ZNF610: variants seen among roughly 807,000 people sequenced by gnomAD.
The protein encoded by ZNF610 is zinc finger protein 610, also known as zink finger protein.
Under a neutral mutation model 14.1 loss-of-function variants are expected in ZNF610, and 14 were observed. The ratio of observed to expected loss-of-function variants is 0.99; its 90% CI spans 0.65 to 1.55. The LOEUF is 1.55. ZNF610 is among the 40% of genes most tolerant of loss of function. The pLI, the probability that ZNF610 is intolerant of heterozygous loss-of-function variation, is 0.00. For synonymous variants in ZNF610, 185 were observed against 187.6 expected (o/e 0.99, Z 0.11); for missense variants, 530 against 558.0 (o/e 0.95, Z 0.51).
intron 5 of ZNF610, among the ~76,000 whole-genome samples, chr19:52,361,281 T>C (rs2263899): frequency 0.2 from 30,181 of 151,456 alleles, 3,186 homozygotes; most frequent in East Asian, 0.33. Flanking sequence ...CAGGTTCCAG[T>C]GATTCTCCTG....
At chr19:52,340,341 C>A (rs549220994) in intron 1 of ZNF610, among the ~76,000 whole-genome samples, 2 of 152,302 alleles carry the variant, frequency 1.3e-5, no homozygotes, top group South Asian at 2.1e-4. Context: ...TAAGACCGCG[C>A]CACTGCACTC....
Position 52,366,861 on chromosome 19 carries a change from T to C in ZNF610, c.*94T>C, listed in dbSNP as rs1178562055. ...CAAATATCATAAATGTGGCAAAGAA[T>C]TTAGTTTGCATTGAAGCCTCATCAC... On this transcript the variant is annotated 3_prime_UTR_variant, in exon 6 of 6. Transcript: ENST00000403906. The C allele has an allele frequency of 2.9e-6, 3 of 1,038,908 alleles. No individual in the cohort carries two copies. Among genetic ancestry groups the C allele is most frequent in the Non-Finnish European group, 4.2e-6 (3 of 719,514 alleles). The allele number at this position is 1,038,908 out of a possible 1,614,324, so 64.4% of individuals were successfully genotyped here.
At chr19:52,338,226 G>A (rs1263891685) in intron 1 of ZNF610, among the ~76,000 whole-genome samples, 1 of 152,194 alleles carries the variant, frequency 6.6e-6, no homozygotes, top group Admixed American at 6.5e-5. Context: ...CTATGAACCG[G>A]GGGTTCCCAT....
intron 1 of ZNF610, among the ~76,000 whole-genome samples, chr19:52,341,413 G>A (rs751088135): frequency 3.3e-5 from 5 of 151,780 alleles, no homozygotes; most frequent in Non-Finnish European, 2.9e-5. Context: ...GGATTCAAGC[G>A]ATTCTTCTGC....
chr19:52,350,515 T>A (rs1975912413), intron 3 of ZNF610, among the ~76,000 whole-genome samples: 2 of 152,020 alleles, frequency 1.3e-5, no homozygotes, highest in African/African-American at 4.8e-5. Flanking sequence ...CTGTCTCTAC[T>A]GAAAATACAA....
intron 5 of ZNF610, among the ~76,000 whole-genome samples, chr19:52,357,550 C>G (rs943093092): frequency 5.3e-5 from 8 of 150,258 alleles, no homozygotes; most frequent in African/African-American, 2.0e-4. Context: ...GAGGCTGAGC[C>G]CGGAGAATGG....
intron 5 of ZNF610, among the ~76,000 whole-genome samples, chr19:52,358,587 C>T (rs1019980936): frequency 6.6e-6 from 1 of 152,152 alleles, no homozygotes; most frequent in African/African-American, 2.4e-5. Context: ...AAAATATTTT[C>T]TCACATATGG....
At chr19:52,353,141 T>C (rs1449474613) in intron 3 of ZNF610, among the ~76,000 whole-genome samples, 1 of 152,204 alleles carries the variant, frequency 6.6e-6, no homozygotes, top group Admixed American at 6.6e-5. Flanking sequence ...GGTTTCACCA[T>C]GTTGGCCAGG....
chr19:52,364,985 C>T (rs1487751907), intron 5 of ZNF610, among the ~76,000 whole-genome samples: 1 of 152,134 alleles, frequency 6.6e-6, no homozygotes, highest in African/African-American at 2.4e-5. Flanking sequence ...GTGGCTCACG[C>T]CTGTAATCTC....
At chr19:52,361,734 A>G (rs939348386) in intron 5 of ZNF610, among the ~76,000 whole-genome samples, 4 of 152,042 alleles carry the variant, frequency 2.6e-5, no homozygotes, top group African/African-American at 9.7e-5. Context: ...TGCTAGGATT[A>G]CAGGCGTGAA....
intron 1 of ZNF610, among the ~76,000 whole-genome samples, chr19:52,337,216 A>T (rs1488476159): frequency 6.6e-6 from 1 of 152,024 alleles, no homozygotes; most frequent in Non-Finnish European, 1.5e-5. Context: ...GAGCCAGGGC[A>T]GACAGAGCAG....
intron 1 of ZNF610, among the ~76,000 whole-genome samples, chr19:52,338,673 C>CAAAAA: frequency 6.7e-6 from 1 of 149,336 alleles, no homozygotes; most frequent in Non-Finnish European, 1.5e-5. Context: ...GACTCTGTCT[C>CAAAAA]AAAAAAAAAG....
upstream of ZNF610, among the ~76,000 whole-genome samples, chr19:52,331,246 A>G (rs867055971): frequency 1.3e-5 from 2 of 152,318 alleles, no homozygotes; most frequent in Middle Eastern, 3.4e-3. Context: ...GGCACTTCTC[A>G]TTGGTTTTTC....
intron 5 of ZNF610, among the ~76,000 whole-genome samples, chr19:52,359,989 T>G (rs147473633): frequency 3.6e-4 from 55 of 152,316 alleles, no homozygotes; most frequent in African/African-American, 1.3e-3. Context: ...TGAAGAGACC[T>G]GTAGGGCAAG....
intron 5 of ZNF610, among the ~76,000 whole-genome samples, chr19:52,362,533 G>A (rs1482610826): frequency 6.6e-6 from 1 of 152,244 alleles, no homozygotes; most frequent in African/African-American, 2.4e-5. Context: ...GATTATAGAT[G>A]TGAGGCATCA....
chr19:52,338,025 C>G (rs1197365335), intron 1 of ZNF610, among the ~76,000 whole-genome samples: 1 of 152,200 alleles, frequency 6.6e-6, no homozygotes, highest in Non-Finnish European at 1.5e-5. Flanking sequence ...TTGGGGATTA[C>G]TTCCCACCCA....
upstream of ZNF610, among the ~76,000 whole-genome samples, chr19:52,331,895 A>G (rs1208553023): frequency 1.3e-5 from 2 of 152,172 alleles, no homozygotes; most frequent in African/African-American, 2.4e-5. Flanking sequence ...CCCTAGGTCC[A>G]TGTGGGTTAC....
intron 1 of ZNF610, among the ~76,000 whole-genome samples, chr19:52,339,503 G>A (rs990019303): frequency 2.6e-5 from 4 of 152,048 alleles, no homozygotes; most frequent in African/African-American, 9.7e-5. Flanking sequence ...CAAGCATACT[G>A]CCTGCAAGCG....
intron 1 of ZNF610, among the ~76,000 whole-genome samples, chr19:52,339,381 TG>T (rs781368042): frequency 3.9e-4 from 60 of 152,106 alleles, no homozygotes; most frequent in South Asian, 3.3e-3. Flanking sequence ...GGCTATCACA[TG>T]GGGAGAAACC....
Sources: gnomAD v4.1 joint callset for allele counts (sites outside exome capture counted in the v4.1 genomes callset) on GRCh38, gnomAD v4.1.1 for gene constraint, MANE v1.5 for transcripts, NCBI Gene and HGNC (gene_info 2026-07-23, HGNC 2026-07-21) for gene names.